ZNF536: variants seen among roughly 807,000 people sequenced by gnomAD.
ZNF536 encodes zinc finger protein 536.
Under a neutral mutation model 84.5 loss-of-function variants are expected in ZNF536, and 13 were observed. That is an observed-to-expected ratio of 0.15 (90% confidence interval 0.10 to 0.24). The LOEUF (loss-of-function observed/expected upper bound fraction) is 0.24, where lower values mean the gene tolerates loss of function less well. Among genes scored for constraint, ZNF536 ranks in the 10% least tolerant of loss-of-function variants. The probability of loss-of-function intolerance (pLI) is 1.00; values close to 1 mark genes in which losing one functional copy is unlikely to be tolerated. For missense variants in ZNF536, 1,536 were observed against 1,747.5 expected, an observed-to-expected ratio of 0.88 and a Z score of 2.16; for synonymous variants, 811 against 742.5, an observed-to-expected ratio of 1.09 and a Z score of -1.50.
At chr19:30,365,781 T>C (rs998653842) in intron 3 of ZNF536, among the ~76,000 whole-genome samples, 4 of 152,226 alleles carry the variant, frequency 2.6e-5, no homozygotes, top group African/African-American at 9.6e-5. Flanking sequence ...TTGTGGACTT[T>C]AATAGTTTTT....
chr19:30,544,486 CAGTG>C (rs2045465560), intron 3 of ZNF536, among the ~76,000 whole-genome samples: 1 of 152,186 alleles, frequency 6.6e-6, no homozygotes, highest in Non-Finnish European at 1.5e-5. Context: ...ACTCTAAAGA[CAGTG>C]GGTGGAGTGA....
At chr19:30,704,225 A>C (rs2052121649) in intron 1 of ZNF536, among the ~76,000 whole-genome samples, 1 of 152,190 alleles carries the variant, frequency 6.6e-6, no homozygotes, top group Non-Finnish European at 1.5e-5. Flanking sequence ...AGTCTGTCTT[A>C]ATACTTATTC....
chr19:30,234,767 A>ACG (rs1213448331), intron 1 of ZNF536, among the ~76,000 whole-genome samples: 2,464 of 144,546 alleles, frequency 0.017, 78 homozygotes, highest in African/African-American at 0.063. Context: ...ACACACACAC[A>ACG]CACACACGCG....
chr19:30,626,620 G>A (rs2048690291), intron 1 of ZNF536, among the ~76,000 whole-genome samples: 1 of 152,160 alleles, frequency 6.6e-6, no homozygotes, highest in Non-Finnish European at 1.5e-5. Context: ...CCCCCACTTG[G>A]AGGCTCAGGA....
At chr19:30,662,962 C>CTTTTTTT (rs951081577) in intron 1 of ZNF536, among the ~76,000 whole-genome samples, 12 of 78,768 alleles carry the variant, frequency 1.5e-4, no homozygotes, top group African/African-American at 2.9e-4. Flanking sequence ...TTTTTCGTTT[C>CTTTTTTT]TTTTTTTTTT....
chr19:30,331,709 A>C (rs2047217368), intron 2 of ZNF536, among the ~76,000 whole-genome samples: 2 of 152,262 alleles, frequency 1.3e-5, no homozygotes, highest in South Asian at 4.2e-4. Flanking sequence ...AGCTCCTCTG[A>C]AATCTGGTCT....
chr19:30,525,796 G>T (rs998863442), intron 2 of ZNF536, among the ~76,000 whole-genome samples: 4 of 152,196 alleles, frequency 2.6e-5, no homozygotes, highest in Non-Finnish European at 4.4e-5. Context: ...CCTCAGAGGA[G>T]AACAGAAAGT....
chr19:30,350,892 T>C (rs2047909708), intron 2 of ZNF536, among the ~76,000 whole-genome samples: 1 of 152,210 alleles, frequency 6.6e-6, no homozygotes. Flanking sequence ...CACACAATGG[T>C]GCTTCATACT....
chr19:30,438,801 C>T (rs1399637824), intron 1 of ZNF536, among the ~76,000 whole-genome samples: 1 of 152,166 alleles, frequency 6.6e-6, no homozygotes, highest in Non-Finnish European at 1.5e-5. Flanking sequence ...ACCTCAGCCT[C>T]CCATGTAGTT....
chr19:30,227,725 C>T (rs978192267), upstream of ZNF536, among the ~76,000 whole-genome samples: 4 of 151,764 alleles, frequency 2.6e-5, no homozygotes, highest in Non-Finnish European at 4.4e-5. Flanking sequence ...GTTCCTCCTG[C>T]GCCTTCTCCC....
chr19:30,671,756 A>G (rs553491789), intron 1 of ZNF536, among the ~76,000 whole-genome samples: 1 of 152,290 alleles, frequency 6.6e-6, no homozygotes, highest in Admixed American at 6.5e-5. Flanking sequence ...ACATTTGTTC[A>G]GTGACGAACA....
At chr19:30,565,748 T>G (rs995928382) in intron 1 of ZNF536, among the ~76,000 whole-genome samples, 1 of 152,144 alleles carries the variant, frequency 6.6e-6, no homozygotes, top group Non-Finnish European at 1.5e-5. Context: ...GCTGTCATTT[T>G]CTACTCTTCC....
At chr19:30,587,454 C>T (rs1213162206) in intron 1 of ZNF536, among the ~76,000 whole-genome samples, 1 of 152,224 alleles carries the variant, frequency 6.6e-6, no homozygotes, top group Admixed American at 6.5e-5. Flanking sequence ...GCATGGTCTC[C>T]ATCACCCATG....
chr19:30,554,821 A>G (rs190899671), intron 4 of ZNF536: 2 of 152,318 alleles, frequency 1.3e-5, no homozygotes, highest in Admixed American at 1.3e-4. Context: ...GCTCTGGTGT[A>G]AAGAGGGATG....
chr19:30,515,075 A>G (rs1478095882), intron 2 of ZNF536, among the ~76,000 whole-genome samples: 1 of 151,928 alleles, frequency 6.6e-6, no homozygotes, highest in Non-Finnish European at 1.5e-5. Context: ...ACATGGCAAG[A>G]CCCCATCTCT....
chr19:30,304,177 G>A (rs2046276898), intron 2 of ZNF536, among the ~76,000 whole-genome samples: 1 of 152,162 alleles, frequency 6.6e-6, no homozygotes, highest in Admixed American at 6.5e-5. Context: ...CTATCCCCTG[G>A]CATTTTCTGG....
chr19:30,450,240 G>C (rs2052539379), intron 2 of ZNF536, among the ~76,000 whole-genome samples: 1 of 152,130 alleles, frequency 6.6e-6, no homozygotes. Context: ...ATCATTCGCT[G>C]GTTGCTTGGC....
At chr19:30,611,699 T>TTGATCCAA (rs2048110704) in intron 1 of ZNF536, among the ~76,000 whole-genome samples, 2 of 152,210 alleles carry the variant, frequency 1.3e-5, no homozygotes, top group African/African-American at 4.8e-5. Context: ...CTTGGAGTCA[T>TTGATCCAA]TGATCCACTG....
intron 1 of ZNF536, among the ~76,000 whole-genome samples, chr19:30,673,363 C>T (rs1161438042): frequency 3.3e-5 from 5 of 152,134 alleles, no homozygotes; most frequent in African/African-American, 9.7e-5. Flanking sequence ...TTTTTCAGTT[C>T]ATCTTCAAAT....
Sources: gnomAD v4.1 joint callset for allele counts (sites outside exome capture counted in the v4.1 genomes callset) on GRCh38, gnomAD v4.1.1 for gene constraint, MANE v1.5 for transcripts, NCBI Gene and HGNC (gene_info 2026-07-23, HGNC 2026-07-21) for gene names.